Variants in PCDHA4 observed in about 807,000 individuals in gnomAD.
The protein encoded by PCDHA4 is protocadherin alpha 4, also known as protocadherin alpha-4.
In PCDHA4, 49 loss-of-function variants were observed where a neutral mutation model predicts 61.4. The ratio of observed to expected loss-of-function variants is 0.80; its 90% CI spans 0.63 to 1.01. The LOEUF is 1.01. Among genes scored for constraint, PCDHA4 ranks in the 50% least tolerant of loss-of-function variants. The probability of loss-of-function intolerance (pLI) is 0.00; values close to 1 mark genes in which losing one functional copy is unlikely to be tolerated. For synonymous variants in PCDHA4, 590 were observed against 550.3 expected (o/e 1.07, Z -1.01); for missense variants, 1,254 against 1,235.8 (o/e 1.01, Z -0.22).
chr5:140,894,821 C>T, intron 1 of PCDHA4, among the ~76,000 whole-genome samples: 1 of 151,806 alleles, frequency 6.6e-6, no homozygotes, highest in Non-Finnish European at 1.5e-5. Context: ...TCAGATTTGC[C>T]CATAATCCTT....
chr5:140,961,465 T>C (rs2095614873), intron 1 of PCDHA4, among the ~76,000 whole-genome samples: 2 of 152,218 alleles, frequency 1.3e-5, no homozygotes, highest in Admixed American at 1.3e-4. Context: ...GCTGCCTTTC[T>C]TTTTTTGTCT....
chr5:140,849,910 G>A, intron 1 of PCDHA4: 1 of 1,598,272 alleles, frequency 6.3e-7, no homozygotes. Flanking sequence ...CCGCCGGGCT[G>A]CCACATCTTC....
rs2150111349 is a variant in PCDHA4, at chr5:140,821,865, C to T, written c.2385+12293C>T. On this transcript the variant is annotated intron_variant, in intron 1 of 3. Coordinates refer to ENST00000530339, the MANE Select transcript of PCDHA4 (RefSeq NM_018907.4). ...ACTGGAAGGCAGGGAGCGGCCAGCT[C>T]CACTACTCGATCCCGGAGGAAGCCA... 5.6e-6 allele frequency: 9 copies of T among 1,614,214 alleles called. No homozygotes were observed. The South Asian group carries it at 8.8e-5, about 16-fold the overall frequency.
chr5:140,933,586 T>A (rs1474110331), intron 1 of PCDHA4, among the ~76,000 whole-genome samples: 1 of 152,108 alleles, frequency 6.6e-6, no homozygotes, highest in Non-Finnish European at 1.5e-5. Flanking sequence ...AGTGGGTTTT[T>A]AGGTTGATTT....
chr5:140,908,442 T>A (rs2073975632), intron 1 of PCDHA4, among the ~76,000 whole-genome samples: 1 of 152,160 alleles, frequency 6.6e-6, no homozygotes, highest in Non-Finnish European at 1.5e-5. Flanking sequence ...CACCCCACTT[T>A]ATGGCTAGAT....
intron 1 of PCDHA4, chr5:140,877,791 C>T: frequency 6.2e-7 from 1 of 1,614,022 alleles, no homozygotes. Flanking sequence ...TGGCCTTCAG[C>T]CCAAGCCTTC....
At chr5:140,884,166 C>G (rs1554181300) in intron 1 of PCDHA4, 2 of 1,613,430 alleles carry the variant, frequency 1.2e-6, no homozygotes, top group Non-Finnish European at 8.5e-7. Flanking sequence ...GAGATCAGCA[C>G]GACGCGCCCT....
rs1486746921 is a variant in PCDHA4 at position 141,009,728 on chromosome 5, G to A, written c.2635G>A (p.Gly879Ser). Residue 879 changes from glycine (G) to serine (S), a missense_variant, in exon 4 of 4, where the codon GGT becomes AGT. Gly to Ser is a moderately conservative substitution (Grantham distance 56). Coordinates refer to ENST00000530339, the MANE Select transcript of PCDHA4 (RefSeq NM_018907.4). The part of the protein sequence containing the change: ...GPGNPKQSGP[G>S]ELPDKFIIPG... ...AGGCAACCCCAAACAATCCGGTCCC[G>A]GTGAGTTGCCCGACAAATTCATTAT... The A allele has an allele frequency of 3.1e-6, 5 of 1,613,998 alleles. No homozygotes were observed. The highest frequency in any genetic ancestry group is 2.2e-5 in the East Asian group (1 of 44,874).
intron 1 of PCDHA4, among the ~76,000 whole-genome samples, chr5:140,953,146 A>G (rs1554220822): frequency 6.6e-6 from 1 of 152,152 alleles, no homozygotes; most frequent in Non-Finnish European, 1.5e-5. Context: ...TTATATTTCT[A>G]TGAAGGGTGT....
intron 1 of PCDHA4, among the ~76,000 whole-genome samples, chr5:140,873,074 C>G (rs2054074747): frequency 6.6e-6 from 1 of 152,140 alleles, no homozygotes; most frequent in Non-Finnish European, 1.5e-5. Flanking sequence ...TCATATCTAG[C>G]TATTTCCCCC....
intron 1 of PCDHA4, among the ~76,000 whole-genome samples, chr5:140,951,923 T>C (rs538525528): frequency 6.6e-6 from 1 of 152,214 alleles, no homozygotes; most frequent in South Asian, 2.1e-4. Flanking sequence ...ACAAGTTAGT[T>C]ACTCCCAAGA....
At chr5:140,968,849 G>A in intron 1 of PCDHA4, 1 of 1,614,206 alleles carries the variant, frequency 6.2e-7, no homozygotes, top group East Asian at 2.2e-5. Context: ...TCAGAGGCAT[G>A]TTAAGAGCCC....
intron 1 of PCDHA4, among the ~76,000 whole-genome samples, chr5:140,910,654 C>T (rs961570287): frequency 1.3e-5 from 2 of 152,218 alleles, no homozygotes; most frequent in African/African-American, 2.4e-5. Flanking sequence ...TTGATCCCTT[C>T]CTCTACATTA....
At position 140,835,833 on chromosome 5, in the gene PCDHA4, G is replaced by A. The variant is rs2150246145; in HGVS notation, c.2385+26261G>A. 4.3e-6 allele frequency: 7 copies of A among 1,612,446 alleles called. No homozygotes were observed. In the Admixed American group the frequency reaches 1.2e-4, roughly 27 times the overall value. On this transcript the variant is annotated intron_variant, in intron 1 of 3. Coordinates refer to ENST00000530339, the MANE Select transcript of PCDHA4 (RefSeq NM_018907.4). ...CACTGTGTCGGCGGGGGACGCGGAC[G>A]CGCAGAAGAACGCGCTGGTGTCCTA...
At chr5:140,846,138 T>C (rs1780216655) in intron 1 of PCDHA4, among the ~76,000 whole-genome samples, 1 of 149,702 alleles carries the variant, frequency 6.7e-6, no homozygotes, top group Non-Finnish European at 1.5e-5. Flanking sequence ...ATGTTTCCCA[T>C]ATTTAAAAGT....
chr5:141,001,693 G>A (rs1554258280), intron 3 of PCDHA4, among the ~76,000 whole-genome samples: 1 of 152,122 alleles, frequency 6.6e-6, no homozygotes, highest in Admixed American at 6.5e-5. Context: ...CCCACAGATG[G>A]CGAAATAGGG....
chr5:140,827,875 C>T (rs538155297), intron 1 of PCDHA4: 1 of 643,830 alleles, frequency 1.6e-6, no homozygotes, highest in Non-Finnish European at 2.7e-6. Flanking sequence ...AGCACTGTTA[C>T]GTGAATTGAT....
intron 1 of PCDHA4, chr5:140,865,531 T>A (rs562505947): frequency 4.6e-5 from 7 of 152,326 alleles, no homozygotes; most frequent in African/African-American, 1.7e-4. Flanking sequence ...ATTCTCTTCA[T>A]CCATAGCTAT....
rs1215041869 is a variant in PCDHA4, at chr5:141,010,411, G to T, written c.*474G>T. ...TGAGACGAGCCAGCTTAGACTAATT[G>T]GTACAAGGAAGGCAAGAAAACAAAG... On this transcript the variant is annotated 3_prime_UTR_variant, in exon 4 of 4. Transcript: ENST00000530339. 4.1e-6 allele frequency: 5 copies of T among 1,224,236 alleles called. No individual in the cohort carries two copies. The highest frequency in any genetic ancestry group is 4.4e-6 in the Non-Finnish European group (4 of 905,798). The allele number at this position is 1,224,236 out of a possible 1,614,324, so 75.8% of individuals were successfully genotyped here. A position where few individuals can be genotyped will look rare whatever the true frequency, so the allele number is the denominator to read the frequency against.
Sources: gnomAD v4.1 joint callset for allele counts (sites outside exome capture counted in the v4.1 genomes callset) on GRCh38, gnomAD v4.1.1 for gene constraint, MANE v1.5 for transcripts, NCBI Gene and HGNC (gene_info 2026-07-23, HGNC 2026-07-21) for gene names.